The following RPSA2 variants were observed in gnomAD, a reference collection of about 807,000 sequenced individuals.
RPSA2 encodes ribosomal protein SA 2.
the RPSA2 span, chr19:23,832,096 C>T: frequency 1.1e-5 from 5 of 453,306 alleles, no homozygotes; most frequent in Admixed American, 8.3e-5. Flanking sequence ...ACACTCAACC[C>T]TTACTACACA....
At chr19:23,784,813 A>G in the RPSA2 span, among the ~76,000 whole-genome samples, 1 of 152,080 alleles carries the variant, frequency 6.6e-6, no homozygotes, top group African/African-American at 2.4e-5. Context: ...TGGACTGGTG[A>G]CTCTGAGACC....
the RPSA2 span, among the ~76,000 whole-genome samples, chr19:23,870,269 C>T: frequency 7.6e-3 from 1,165 of 152,292 alleles, 18 homozygotes; most frequent in African/African-American, 0.026. Context: ...TGGAGGCATG[C>T]AGCCAACTAA....
chr19:23,762,332 C>T, the RPSA2 span, among the ~76,000 whole-genome samples: 2 of 152,032 alleles, frequency 1.3e-5, no homozygotes, highest in East Asian at 2.0e-4. Flanking sequence ...GTGAGAGAGG[C>T]GCTCAGGGAT....
chr19:23,774,916 CT>C, the RPSA2 span, among the ~76,000 whole-genome samples: 1 of 152,198 alleles, frequency 6.6e-6, no homozygotes, highest in Non-Finnish European at 1.5e-5. Context: ...GATGATGTAA[CT>C]CTCCTGCTCA....
the RPSA2 span, among the ~76,000 whole-genome samples, chr19:23,863,219 G>T: frequency 1.3e-5 from 2 of 152,130 alleles, no homozygotes; most frequent in Admixed American, 1.3e-4. Flanking sequence ...TTTCACCAAA[G>T]TTTGTCTGCA....
chr19:23,766,142 C>CTTTTTTTTTTTTTT, the RPSA2 span, among the ~76,000 whole-genome samples: 45 of 43,260 alleles, frequency 1.0e-3, 17 homozygotes, highest in African/African-American at 3.0e-3. Context: ...TATTTCATTT[C>CTTTTTTTTTTTTTT]CTTTTTTTTT....
the RPSA2 span, among the ~76,000 whole-genome samples, chr19:23,841,566 G>A: frequency 7.2e-5 from 11 of 152,200 alleles, no homozygotes; most frequent in Non-Finnish European, 1.6e-4. Flanking sequence ...CCCCTGTCAC[G>A]CCAAGTGTCA....
chr19:23,826,041 C>A, the RPSA2 span, among the ~76,000 whole-genome samples: 220 of 84,308 alleles, frequency 2.6e-3, no homozygotes, highest in Admixed American at 6.5e-3. Flanking sequence ...CAAAAAAAAA[C>A]AAAATTTACC....
the RPSA2 span, among the ~76,000 whole-genome samples, chr19:23,864,180 A>G: frequency 1.3e-5 from 2 of 152,236 alleles, no homozygotes; most frequent in Non-Finnish European, 2.9e-5. Context: ...GGCTTTGGGC[A>G]TGCAAAGAAT....
chr19:23,827,075 A>T, the RPSA2 span: 1 of 733,304 alleles, frequency 1.4e-6, no homozygotes, highest in Admixed American at 2.0e-5. Flanking sequence ...TACAGTAACA[A>T]TGCTGCAGCT....
chr19:23,827,222 G>T, the RPSA2 span: 1 of 887,590 alleles, frequency 1.1e-6, no homozygotes, highest in Non-Finnish European at 1.8e-6. Flanking sequence ...GTTCCTTGCA[G>T]CAGGAACCCA....
the RPSA2 span, among the ~76,000 whole-genome samples, chr19:23,856,168 T>A: frequency 1.3e-5 from 2 of 151,756 alleles, no homozygotes; most frequent in Non-Finnish European, 2.9e-5. Flanking sequence ...ATTCAGAAAA[T>A]TGTGGTAACT....
the RPSA2 span, among the ~76,000 whole-genome samples, chr19:23,769,186 C>T: frequency 2.7e-4 from 41 of 152,298 alleles, no homozygotes; most frequent in African/African-American, 7.7e-4. Context: ...CAAGCACCTA[C>T]GTGATATGAC....
the RPSA2 span, among the ~76,000 whole-genome samples, chr19:23,764,893 G>A: frequency 1.8e-4 from 27 of 152,156 alleles, no homozygotes; most frequent in Non-Finnish European, 1.5e-4. Context: ...TTTTGCTTTG[G>A]AGAAATTACA....
the RPSA2 span, among the ~76,000 whole-genome samples, chr19:23,777,954 G>C: frequency 6.6e-6 from 1 of 152,206 alleles, no homozygotes; most frequent in Non-Finnish European, 1.5e-5. Flanking sequence ...TTCACTAGGG[G>C]ATAATAATAC....
the RPSA2 span, among the ~76,000 whole-genome samples, chr19:23,775,186 A>G: frequency 6.6e-6 from 1 of 152,128 alleles, no homozygotes; most frequent in African/African-American, 2.4e-5. Flanking sequence ...TTGTGTATGC[A>G]CACTTTGCCA....
chr19:23,763,310 C>T, the RPSA2 span, among the ~76,000 whole-genome samples: 1 of 152,206 alleles, frequency 6.6e-6, no homozygotes, highest in African/African-American at 2.4e-5. Flanking sequence ...ACCCCAGCGT[C>T]CAGCCCCGTC....
chr19:23,767,414 G>GT, the RPSA2 span, among the ~76,000 whole-genome samples: 1 of 151,982 alleles, frequency 6.6e-6, no homozygotes, highest in African/African-American at 2.4e-5. Context: ...AGACACATTG[G>GT]TGATGAGACA....
At chr19:23,776,571 G>C in the RPSA2 span, among the ~76,000 whole-genome samples, 148,923 of 152,250 alleles carry the variant, frequency 0.98, 72,927 homozygotes, top group Middle Eastern at 1. Flanking sequence ...GAGCCATTGT[G>C]ACATATCTCT....
Sources: allele counts gnomAD v4.1 joint callset (sites outside exome capture counted in the v4.1 genomes callset), GRCh38; gene constraint gnomAD v4.1.1; transcripts MANE v1.5; gene names NCBI Gene and HGNC (gene_info 2026-07-23, HGNC 2026-07-21).